The following DMRT1 variants were observed in gnomAD, a reference collection of about 807,000 sequenced individuals.
DMRT1 encodes doublesex- and mab-3-related transcription factor 1.
A neutral mutation model predicts 32.3 loss-of-function variants in DMRT1; 7 were observed. The observed-to-expected ratio is 0.22, with a 90% CI of 0.12 to 0.41. The LOEUF is 0.41. DMRT1 is among the 10% of genes least tolerant of loss of function. The probability of loss-of-function intolerance (pLI) is 1.00; values close to 1 mark genes in which losing one functional copy is unlikely to be tolerated. For synonymous variants in DMRT1, 278 were observed against 206.1 expected, an observed-to-expected ratio of 1.35 and a Z score of -2.99; for missense variants, 625 against 500.5, an observed-to-expected ratio of 1.25 and a Z score of -2.37.
intron 2 of DMRT1, among the ~76,000 whole-genome samples, chr9:872,576 C>T (rs1442129998): frequency 6.6e-6 from 1 of 152,160 alleles, no homozygotes; most frequent in African/African-American, 2.4e-5. Flanking sequence ...GAATCATACA[C>T]TGTGGGATTA....
intron 4 of DMRT1, among the ~76,000 whole-genome samples, chr9:918,495 C>T (rs1818254119): frequency 6.6e-6 from 1 of 152,018 alleles, no homozygotes; most frequent in Non-Finnish European, 1.5e-5. Flanking sequence ...GAAAAGGAAG[C>T]GACTCAGAAG....
At chr9:873,548 A>G (rs928223983) in intron 2 of DMRT1, among the ~76,000 whole-genome samples, 4 of 151,576 alleles carry the variant, frequency 2.6e-5, no homozygotes, top group Non-Finnish European at 4.4e-5. Context: ...CGAACTCCCG[A>G]CCTCAGGTGA....
rs146573926 is a variant in DMRT1, at chr9:867,995, A to G, written c.538+20852A>G. On this transcript the variant is annotated intron_variant, in intron 2 of 4. Coordinates refer to ENST00000382276, the MANE Select transcript of DMRT1 (RefSeq NM_021951.3). ...AGGAAATCAACAATTGTTGTTTTTT[A>G]TTTTGAGACAGGGTCTCTATCGCCC... Among the ~76,000 whole-genome samples, 811 of 152,194 alleles carry G rather than the reference A, an allele frequency of 5.3e-3. 14 individuals carry two copies. Among genetic ancestry groups the G allele is most frequent in the African/African-American group, 0.019 (773 of 41,514 alleles).
chr9:863,807 G>A (rs566071709), intron 2 of DMRT1, among the ~76,000 whole-genome samples: 2 of 152,160 alleles, frequency 1.3e-5, no homozygotes, highest in Non-Finnish European at 2.9e-5. Context: ...TGTTAGTGGG[G>A]TTGAACATCG....
chr9:905,148 T>A (rs1817723942), intron 3 of DMRT1, among the ~76,000 whole-genome samples: 1 of 152,034 alleles, frequency 6.6e-6, no homozygotes, highest in Non-Finnish European at 1.5e-5. Flanking sequence ...TTTTAAAAAA[T>A]TATCCCACAG....
At chr9:846,381 A>G (rs535540463) in intron 1 of DMRT1, among the ~76,000 whole-genome samples, 133 of 152,158 alleles carry the variant, frequency 8.7e-4, no homozygotes, top group African/African-American at 3.0e-3. Flanking sequence ...ATCTACTCTT[A>G]CTGGTACCTG....
intron 2 of DMRT1, among the ~76,000 whole-genome samples, chr9:869,627 T>C (rs932957672): frequency 7.9e-5 from 12 of 152,248 alleles, no homozygotes; most frequent in Non-Finnish European, 4.4e-5. Context: ...CTCCCCTCTC[T>C]TGTTCTCTTT....
intron 4 of DMRT1, among the ~76,000 whole-genome samples, chr9:928,439 G>A (rs1586629489): frequency 6.6e-6 from 1 of 152,124 alleles, no homozygotes; most frequent in Non-Finnish European, 1.5e-5. Flanking sequence ...AAATGCAGAG[G>A]TCAACATAGC....
At chr9:866,163 C>CAAAAAAAAAA (rs71327351) in intron 2 of DMRT1, among the ~76,000 whole-genome samples, 4 of 52,666 alleles carry the variant, frequency 7.6e-5, no homozygotes, top group Non-Finnish European at 1.2e-4. Context: ...GAGTCCATCT[C>CAAAAAAAAAA]AAAAAAAAAA....
At chr9:848,423 C>G (rs975380269) in intron 2 of DMRT1, among the ~76,000 whole-genome samples, 1 of 152,064 alleles carries the variant, frequency 6.6e-6, no homozygotes, top group Non-Finnish European at 1.5e-5. Context: ...CTGTCTGTGT[C>G]TGTCTTTGTG....
chr9:857,835 T>C (rs895822170), intron 2 of DMRT1, among the ~76,000 whole-genome samples: 1 of 141,086 alleles, frequency 7.1e-6, no homozygotes. Flanking sequence ...GTCCATGTGT[T>C]CTCATTGTTC....
intron 4 of DMRT1, among the ~76,000 whole-genome samples, chr9:930,907 A>G (rs1216555328): frequency 1.3e-5 from 2 of 152,210 alleles, no homozygotes; most frequent in Non-Finnish European, 1.5e-5. Context: ...TCCTTTTAAA[A>G]TGTATGATTC....
In DMRT1 at chr9:859,515, C is replaced by T. The variant is rs534967727; in HGVS notation, c.538+12372C>T. Among the ~76,000 whole-genome samples, 57 of 152,282 alleles carry T rather than the reference C, an allele frequency of 3.7e-4. 1 individual carries two copies. Among genetic ancestry groups the T allele is most frequent in the South Asian group, 3.5e-3 (17 of 4,824 alleles). ...TTTGCGGTTGTCAAAAGCAGCTATG[C>T]AAATGTATATGTGCATTTCTGTTTC... On this transcript the variant is annotated intron_variant, in intron 2 of 4. Coordinates refer to ENST00000382276, the MANE Select transcript of DMRT1 (RefSeq NM_021951.3).
intron 2 of DMRT1, among the ~76,000 whole-genome samples, chr9:875,641 T>C (rs1816465117): frequency 6.6e-6 from 1 of 152,210 alleles, no homozygotes; most frequent in Admixed American, 6.5e-5. Context: ...TCTGTCATGC[T>C]GTTTGTGTCT....
At chr9:849,676 C>T (rs1174506303) in intron 2 of DMRT1, among the ~76,000 whole-genome samples, 2 of 152,176 alleles carry the variant, frequency 1.3e-5, no homozygotes, top group African/African-American at 4.8e-5. Context: ...AGTTGACAGA[C>T]CTTGGAGTCA....
At chr9:863,657 G>A (rs2132586985) in intron 2 of DMRT1, among the ~76,000 whole-genome samples, 1 of 152,302 alleles carries the variant, frequency 6.6e-6, no homozygotes, top group East Asian at 1.9e-4. Flanking sequence ...CACCTTGACA[G>A]AGACTGGCGT....
intron 2 of DMRT1, among the ~76,000 whole-genome samples, chr9:881,683 T>G (rs1816741379): frequency 6.6e-6 from 1 of 152,266 alleles, no homozygotes; most frequent in Admixed American, 6.5e-5. Context: ...AACAAGTTCC[T>G]AATTTAAAAC....
chr9:876,701 T>A (rs184505572), intron 2 of DMRT1, among the ~76,000 whole-genome samples: 8 of 152,236 alleles, frequency 5.3e-5, no homozygotes, highest in African/African-American at 1.7e-4. Flanking sequence ...CCAGCTATTT[T>A]AAAATGTTTT....
At chr9:863,978 T>G (rs1290840204) in intron 2 of DMRT1, among the ~76,000 whole-genome samples, 1 of 152,096 alleles carries the variant, frequency 6.6e-6, no homozygotes, top group East Asian at 1.9e-4. Flanking sequence ...TATTTGGTAT[T>G]TTAAACCAGG....
Sources: allele counts gnomAD v4.1 joint callset (sites outside exome capture counted in the v4.1 genomes callset), GRCh38; gene constraint gnomAD v4.1.1; transcripts MANE v1.5; gene names NCBI Gene and HGNC (gene_info 2026-07-23, HGNC 2026-07-21).